IL7: variants seen among roughly 807,000 people sequenced by gnomAD.
IL7 encodes interleukin-7.
IL7 carries 3 observed loss-of-function variants against 21.6 expected under a neutral mutation model. The observed-to-expected ratio is 0.14, with a 90% CI of 0.06 to 0.36. The LOEUF is 0.36. Ranked by LOEUF, IL7 falls within the 10% of genes least tolerant of loss-of-function variation. The pLI is 1.00. For synonymous variants in IL7, 62 were observed against 68.1 expected, an observed-to-expected ratio of 0.91 and a Z score of 0.44; for missense variants, 175 against 200.2, an observed-to-expected ratio of 0.87 and a Z score of 0.76.
chr8:78,684,070 T>G (rs1809874982), intron 4 of IL7, among the ~76,000 whole-genome samples: 1 of 152,196 alleles, frequency 6.6e-6, no homozygotes, highest in Non-Finnish European at 1.5e-5. Flanking sequence ...CTTTCCCACA[T>G]TTTTCTGTCT....
At chr8:78,763,785 G>A (rs1812658114) in intron 2 of IL7, among the ~76,000 whole-genome samples, 1 of 152,172 alleles carries the variant, frequency 6.6e-6, no homozygotes, top group Admixed American at 6.5e-5. Flanking sequence ...ATCTGACAGT[G>A]TGTGTAAGCA....
chr8:78,740,132 A>G, intron 2 of IL7, 50 bp from the exon 3 acceptor site: 1 of 1,016,924 alleles, frequency 9.8e-7, no homozygotes, highest in Non-Finnish European at 1.3e-6. Flanking sequence ...TACTTTTCTA[A>G]TATCTTGTAA....
At chr8:78,714,238 CTCT>C (rs1468590648), downstream of IL7, among the ~76,000 whole-genome samples, 3 of 152,098 alleles carry the variant, frequency 2.0e-5, no homozygotes, top group African/African-American at 7.2e-5. Flanking sequence ...TACTTAGGGG[CTCT>C]TTACCTCATT....
exon 5 of IL7, chr8:78,675,944 A>T (rs1809565532): frequency 8.1e-7 from 1 of 1,233,730 alleles, no homozygotes; most frequent in African/African-American, 1.5e-5. Context: ...CATGGGAAGA[A>T]TTTACGTGGA....
intron 4 of IL7, among the ~76,000 whole-genome samples, chr8:78,738,256 A>G (rs1811658526): frequency 1.3e-5 from 2 of 152,166 alleles, no homozygotes; most frequent in Non-Finnish European, 2.9e-5. Flanking sequence ...GGAAGTTATT[A>G]TGGCAATGAA....
chr8:78,712,439 A>G (rs915994040), intron 3 of IL7, among the ~76,000 whole-genome samples: 2 of 152,160 alleles, frequency 1.3e-5, no homozygotes, highest in African/African-American at 4.8e-5. Context: ...TTTAAAAAGC[A>G]GAGTTTGAGA....
chr8:78,778,263 C>T (rs192316127), intron 2 of IL7, among the ~76,000 whole-genome samples: 126 of 152,086 alleles, frequency 8.3e-4, no homozygotes, highest in Non-Finnish European at 1.5e-3. Context: ...AGGCAGGATT[C>T]GAAGCTTTGA....
chr8:78,698,330 A>G, intron 3 of IL7: 1 of 1,129,522 alleles, frequency 8.9e-7, no homozygotes. Context: ...GATTATTACT[A>G]AAGCATTGTT....
intron 4 of IL7, among the ~76,000 whole-genome samples, chr8:78,737,871 T>C (rs1297628728): frequency 6.6e-6 from 1 of 152,158 alleles, no homozygotes; most frequent in Non-Finnish European, 1.5e-5. Flanking sequence ...GCACTTTACA[T>C]GTGTTATGCC....
intron 4 of IL7, among the ~76,000 whole-genome samples, chr8:78,677,292 C>CA (rs1226978736): frequency 1.3e-5 from 2 of 151,890 alleles, no homozygotes; most frequent in Non-Finnish European, 2.9e-5. Flanking sequence ...TCATTTAAGA[C>CA]AGCTTCCATT....
chr8:78,678,318 A>G (rs115261592), intron 4 of IL7, among the ~76,000 whole-genome samples: 91 of 152,292 alleles, frequency 6.0e-4, no homozygotes, highest in Middle Eastern at 3.4e-3. Flanking sequence ...AAATAACTTA[A>G]TGACATGTTA....
intron 3 of IL7, among the ~76,000 whole-genome samples, chr8:78,694,620 G>T (rs950588854): frequency 1.3e-5 from 2 of 152,070 alleles, no homozygotes; most frequent in African/African-American, 4.8e-5. Context: ...CTTTTACAAT[G>T]ATTTTTTATT....
At position 78,738,649 on chromosome 8, in the gene IL7, AAGTC is replaced by A. The variant is rs1189701612; in HGVS notation, c.229-18_229-15del. On this transcript the variant is annotated splice_polypyrimidine_tract_variant and intron_variant, in intron 3 of 5. Coordinates refer to ENST00000263851, the MANE Select transcript of IL7 (RefSeq NM_000880.4). Reference sequence around the variant, plus strand: ...AAACATACCTTCCTATTATAGGAAAAAGTCAGAAGGGCCATGGTTCAAATAAAAT... The same window carrying A: ...AAACATACCTTCCTATTATAGGAAAAAGAAGGGCCATGGTTCAAATAAAAT... 15 of 1,609,950 alleles carry A rather than the reference AAGTC, an allele frequency of 9.3e-6. No homozygotes were observed. Among genetic ancestry groups the A allele is most frequent in the African/African-American group, 1.3e-5 (1 of 74,674 alleles).
chr8:78,803,825 C>T (rs1163401532), intron 1 of IL7, among the ~76,000 whole-genome samples: 1 of 152,142 alleles, frequency 6.6e-6, no homozygotes, highest in African/African-American at 2.4e-5. Context: ...CTATTCTTTC[C>T]GCTCTCTCTA....
intron 3 of IL7, among the ~76,000 whole-genome samples, chr8:78,712,392 T>G (rs1220625104): frequency 1.3e-5 from 2 of 152,184 alleles, no homozygotes; most frequent in Non-Finnish European, 2.9e-5. Flanking sequence ...TTATGAAGTT[T>G]TTTTTAGTAG....
At chr8:78,686,121 C>T (rs1357381139) in intron 3 of IL7, among the ~76,000 whole-genome samples, 1 of 152,140 alleles carries the variant, frequency 6.6e-6, no homozygotes, top group African/African-American at 2.4e-5. Flanking sequence ...CAGATGTCCC[C>T]ACCTCGTACT....
intron 3 of IL7, among the ~76,000 whole-genome samples, chr8:78,698,765 G>A (rs1810511970): frequency 6.6e-6 from 1 of 152,102 alleles, no homozygotes; most frequent in African/African-American, 2.4e-5. Context: ...TGGGAATTTA[G>A]TCTAAGGAAA....
chr8:78,754,145 A>T (rs1812268021), intron 2 of IL7, among the ~76,000 whole-genome samples: 2 of 152,146 alleles, frequency 1.3e-5, no homozygotes, highest in Non-Finnish European at 2.9e-5. Flanking sequence ...ATATTTAGAA[A>T]ACCTCATCGT....
At chr8:78,794,416 G>A (rs1299556337) in intron 2 of IL7, among the ~76,000 whole-genome samples, 1 of 152,094 alleles carries the variant, frequency 6.6e-6, no homozygotes, top group Non-Finnish European at 1.5e-5. Context: ...CATTGTCAAT[G>A]AGCAGTAATA....
Sources: allele counts gnomAD v4.1 joint callset (sites outside exome capture counted in the v4.1 genomes callset), GRCh38; gene constraint gnomAD v4.1.1; transcripts MANE v1.5; gene names NCBI Gene and HGNC (gene_info 2026-07-23, HGNC 2026-07-21).